SHTN1: variants seen among roughly 807,000 people sequenced by gnomAD.
SHTN1 encodes shootin-1.
A neutral mutation model predicts 83.1 loss-of-function variants in SHTN1; 42 were observed. That is an observed-to-expected ratio of 0.51 (90% CI 0.39 to 0.65). SHTN1 has a LOEUF of 0.65. Among genes scored for constraint, SHTN1 ranks in the 30% least tolerant of loss-of-function variants. The pLI, the probability that SHTN1 is intolerant of heterozygous loss-of-function variation, is 0.00. For synonymous variants in SHTN1, 224 were observed against 247.7 expected, an observed-to-expected ratio of 0.90 and a Z score of 0.90; for missense variants, 622 against 737.8, an observed-to-expected ratio of 0.84 and a Z score of 1.82.
At chr10:116,967,264 G>C (rs1181975059) in intron 3 of SHTN1, among the ~76,000 whole-genome samples, 1 of 152,056 alleles carries the variant, frequency 6.6e-6, no homozygotes, top group Non-Finnish European at 1.5e-5. Flanking sequence ...GCTGTCTTAG[G>C]GGATAAATAA....
intron 8 of SHTN1, among the ~76,000 whole-genome samples, chr10:116,944,608 G>A (rs1282361813): frequency 6.6e-6 from 1 of 152,070 alleles, no homozygotes; most frequent in African/African-American, 2.4e-5. Flanking sequence ...AAATTCAAAA[G>A]GTTTTTACGG....
intron 1 of SHTN1, among the ~76,000 whole-genome samples, chr10:117,116,782 T>A (rs963315067): frequency 2.0e-5 from 3 of 152,082 alleles, no homozygotes; most frequent in Non-Finnish European, 4.4e-5. Flanking sequence ...ATGTGATACA[T>A]CACATTAACA....
chr10:117,101,742 C>T (rs941484046), intron 1 of SHTN1, among the ~76,000 whole-genome samples: 3 of 152,074 alleles, frequency 2.0e-5, no homozygotes, highest in Non-Finnish European at 2.9e-5. Context: ...AGCCTGTTCC[C>T]GAACGGTTGA....
Position 116,979,350 on chromosome 10 carries a change from G to C in SHTN1, c.59-42C>G, listed in dbSNP as rs749166432. On this transcript the variant is annotated intron_variant, in intron 1 of 16. Coordinates refer to ENST00000355371, the MANE Select transcript of SHTN1 (RefSeq NM_001127211.3). Reference sequence around the variant, plus strand: ...AAGCAACATTACAACACTGTCAAAAGTTTACTGCAGGGCAACCTGGGGAAT... The same window carrying C: ...AAGCAACATTACAACACTGTCAAAACTTTACTGCAGGGCAACCTGGGGAAT... 9.0e-6 allele frequency: 14 copies of C among 1,557,982 alleles called. No homozygotes were observed. In the African/African-American group the frequency reaches 1.8e-4, roughly 20 times the overall value.
At chr10:116,996,747 G>T (rs1471329122) in intron 1 of SHTN1, among the ~76,000 whole-genome samples, 1 of 152,060 alleles carries the variant, frequency 6.6e-6, no homozygotes, top group Non-Finnish European at 1.5e-5. Context: ...AAACATGACT[G>T]TTTACCTAAA....
intron 3 of SHTN1, among the ~76,000 whole-genome samples, chr10:116,968,269 G>C (rs896291158): frequency 1.3e-5 from 2 of 152,134 alleles, no homozygotes; most frequent in South Asian, 2.1e-4. Flanking sequence ...ACTGAAAAAA[G>C]CAGACTGCAA....
intron 1 of SHTN1, among the ~76,000 whole-genome samples, chr10:117,068,708 T>C (rs1853039423): frequency 6.6e-6 from 1 of 152,140 alleles, no homozygotes; most frequent in Non-Finnish European, 1.5e-5. Context: ...TCTGCTTAGG[T>C]ATACAAATGG....
intron 1 of SHTN1, among the ~76,000 whole-genome samples, chr10:117,071,357 T>A (rs1209891323): frequency 6.6e-6 from 1 of 152,136 alleles, no homozygotes; most frequent in African/African-American, 2.4e-5. Flanking sequence ...GCCCTATAAA[T>A]GGTGATTAGA....
intron 3 of SHTN1, 90 bp downstream of exon 3, chr10:116,968,562 A>T: frequency 2.3e-6 from 2 of 868,470 alleles, no homozygotes. Flanking sequence ...TATGACCAGG[A>T]CATTAGCAAC....
chr10:116,897,986 T>C (rs940132138), intron 16 of SHTN1, among the ~76,000 whole-genome samples: 3 of 152,192 alleles, frequency 2.0e-5, no homozygotes, highest in African/African-American at 4.8e-5. Flanking sequence ...AATTATTCTA[T>C]TGCCAGGTAT....
chr10:117,058,628 CATATAATACACCAATTCCACTTCTGAGT>C (rs1852858393), intron 1 of SHTN1, among the ~76,000 whole-genome samples: 1 of 152,022 alleles, frequency 6.6e-6, no homozygotes, highest in African/African-American at 2.4e-5. Flanking sequence ...GCAGAATTAC[CATATAATACACCAATTCCACTTCTGAGT>C]ATATACTCAA....
intron 1 of SHTN1, among the ~76,000 whole-genome samples, chr10:117,075,765 T>C (rs1853142757): frequency 6.6e-6 from 1 of 152,108 alleles, no homozygotes; most frequent in Non-Finnish European, 1.5e-5. Context: ...TGGCAAATAA[T>C]AACATTAAAT....
rs570983954 is a variant in SHTN1, at chr10:117,093,743, A to G, written c.-189+32564T>C. On this transcript the variant is annotated intron_variant, in intron 1 of 17. Coordinates refer to the SHTN1 transcript ENST00000392901. ...GGACAATGCATTGGAACCACACACA[A>G]TGGGCATTCACTGTGTGGACTGCAC... Among the ~76,000 whole-genome samples, 18 of 152,264 alleles carry G rather than the reference A, an allele frequency of 1.2e-4. 1 individual carries two copies. Among genetic ancestry groups the G allele is most frequent in the African/African-American group, 4.1e-4 (17 of 41,546 alleles).
chr10:116,964,585 A>G (rs1367548740), intron 3 of SHTN1, among the ~76,000 whole-genome samples: 2 of 152,232 alleles, frequency 1.3e-5, no homozygotes, highest in Non-Finnish European at 2.9e-5. Context: ...CACTACTTCA[A>G]AAGTTTTCCA....
At chr10:116,971,099 G>A (rs2133463589) in intron 2 of SHTN1, among the ~76,000 whole-genome samples, 1 of 152,240 alleles carries the variant, frequency 6.6e-6, no homozygotes, top group East Asian at 1.9e-4. Context: ...AGTCACTAAA[G>A]AACCACTGAA....
chr10:117,051,315 T>C lies in SHTN1; in HGVS notation c.-188-2805A>G, dbSNP rs540152821. The stretch of plus-strand genomic sequence containing the variant: ...ACAAGCTGAGGATTAAATGACTTCA[T>C]TGGTGAATTCTACTGAACATCTGAA... On this transcript the variant is annotated intron_variant, in intron 1 of 17. Transcript: ENST00000392901. Among the ~76,000 whole-genome samples the C allele has an allele frequency of 7.2e-5, 11 of 152,256 alleles. No individual in the cohort carries two copies. In the East Asian group the frequency reaches 1.7e-3, roughly 24 times the overall value.
intron 1 of SHTN1, among the ~76,000 whole-genome samples, chr10:117,059,868 C>A (rs1013869834): frequency 4.6e-5 from 7 of 152,104 alleles, no homozygotes; most frequent in Non-Finnish European, 7.4e-5. Context: ...TCTGTATTAT[C>A]TTTTGCAACT....
chr10:116,983,929 G>C (rs1851136598), intron 1 of SHTN1, among the ~76,000 whole-genome samples: 1 of 152,150 alleles, frequency 6.6e-6, no homozygotes, highest in African/African-American at 2.4e-5. Flanking sequence ...TAACTCCTCA[G>C]TGCCAAGAAA....
chr10:117,108,889 A>T (rs1025748003), intron 1 of SHTN1, among the ~76,000 whole-genome samples: 7 of 152,094 alleles, frequency 4.6e-5, no homozygotes, highest in Admixed American at 2.0e-4. Flanking sequence ...TTCTAGCTGT[A>T]TATATTGGGC....
Sources: allele counts gnomAD v4.1 joint callset (sites outside exome capture counted in the v4.1 genomes callset), GRCh38; gene constraint gnomAD v4.1.1; transcripts MANE v1.5; gene names NCBI Gene and HGNC (gene_info 2026-07-23, HGNC 2026-07-21).